Variants in TPD52L1 observed in about 807,000 individuals in gnomAD.
TPD52L1 encodes tumor protein D53.
In TPD52L1, 18 loss-of-function variants were observed where a neutral mutation model predicts 28.7. The observed-to-expected ratio is 0.63, with a 90% CI of 0.43 to 0.93. The LOEUF (loss-of-function observed/expected upper bound fraction) is 0.93. TPD52L1 is among the 40% of genes least tolerant of loss of function. The pLI, the probability that TPD52L1 is intolerant of heterozygous loss-of-function variation, is 0.00. For missense variants in TPD52L1, 203 were observed against 254.8 expected, an observed-to-expected ratio of 0.80 and a Z score of 1.39; for synonymous variants, 75 against 88.8, an observed-to-expected ratio of 0.84 and a Z score of 0.88.
intron 1 of TPD52L1, among the ~76,000 whole-genome samples, chr6:125,173,602 G>T: frequency 6.6e-6 from 1 of 152,060 alleles, no homozygotes; most frequent in East Asian, 1.9e-4. Flanking sequence ...TGCCCAGCTC[G>T]TTCTTAAGAA....
intron 1 of TPD52L1, among the ~76,000 whole-genome samples, chr6:125,215,899 T>C (rs1794833697): frequency 6.6e-6 from 1 of 152,172 alleles, no homozygotes; most frequent in Non-Finnish European, 1.5e-5. Flanking sequence ...TCTCACGTTA[T>C]GAAGATAGGG....
chr6:125,196,396 T>A (rs1793440950), intron 1 of TPD52L1, among the ~76,000 whole-genome samples: 1 of 152,230 alleles, frequency 6.6e-6, no homozygotes, highest in Non-Finnish European at 1.5e-5. Context: ...TGTAAAAGCT[T>A]AACTATAGTT....
At chr6:125,240,944 A>G (rs1796577957) in intron 3 of TPD52L1, among the ~76,000 whole-genome samples, 1 of 152,100 alleles carries the variant, frequency 6.6e-6, no homozygotes, top group African/African-American at 2.4e-5. Flanking sequence ...CCCATTTAGT[A>G]TGAAGCTGGC....
intron 1 of TPD52L1, among the ~76,000 whole-genome samples, chr6:125,176,781 A>G (rs1362560257): frequency 6.6e-6 from 1 of 152,160 alleles, no homozygotes; most frequent in African/African-American, 2.4e-5. Context: ...CACACCTGTA[A>G]TCCCAGCAAC....
At position 125,220,149 on chromosome 6, in the gene TPD52L1, C is replaced by T. The variant is rs754777622; in HGVS notation, c.91C>T (p.Leu31Phe). 1.7e-5 allele frequency: 27 copies of T among 1,613,798 alleles called. No individual in the cohort carries two copies. Among genetic ancestry groups the T allele is most frequent in the South Asian group, 8.8e-5 (8 of 91,070 alleles). The change falls in exon 2 of 7, where the codon CTC becomes TTC. Residue 31 changes from leucine (L) to phenylalanine (F), a missense_variant. Leu to Phe is a conservative substitution (Grantham distance 22). Transcript: ENST00000534000. The part of the protein sequence containing the change: ...AVASADFSSM[L>F]SEEEKEELKA... ...AGCCAGTGCTGACTTCTCTAGCATGCTCTCTGAGGAGGAAAAGGAAGAGTT... is the reference window on the plus strand; with the variant it reads ...AGCCAGTGCTGACTTCTCTAGCATGTTCTCTGAGGAGGAAAAGGAAGAGTT...
chr6:125,168,340 TC>T (rs1791042661), intron 1 of TPD52L1, among the ~76,000 whole-genome samples: 1 of 152,008 alleles, frequency 6.6e-6, no homozygotes, highest in Admixed American at 6.6e-5. Context: ...CTCAGATGAT[TC>T]CCTGAGACCC....
At chr6:125,172,886 T>A (rs1791589708) in intron 1 of TPD52L1, among the ~76,000 whole-genome samples, 1 of 151,840 alleles carries the variant, frequency 6.6e-6, no homozygotes, top group South Asian at 2.1e-4. Context: ...AATCAACAGG[T>A]TTTTCCTACT....
At chr6:125,231,078 C>G (rs1294057583) in intron 3 of TPD52L1, 1 of 152,200 alleles carries the variant, frequency 6.6e-6, no homozygotes, top group Non-Finnish European at 1.5e-5. Flanking sequence ...ATTAATGGCC[C>G]TGACAGTGTA....
intron 1 of TPD52L1, among the ~76,000 whole-genome samples, chr6:125,176,890 T>G (rs1482689725): frequency 1.3e-5 from 2 of 151,770 alleles, no homozygotes; most frequent in Admixed American, 6.6e-5. Flanking sequence ...ATAAAAAAAT[T>G]AGCTGGGTGT....
At chr6:125,208,223 A>T (rs942057400) in intron 1 of TPD52L1, among the ~76,000 whole-genome samples, 3 of 152,326 alleles carry the variant, frequency 2.0e-5, no homozygotes, top group East Asian at 3.9e-4. Flanking sequence ...AACTTCTCTC[A>T]AGGCCAAGAT....
At chr6:125,163,937 CA>C in intron 1 of TPD52L1, among the ~76,000 whole-genome samples, 1 of 147,954 alleles carries the variant, frequency 6.8e-6, no homozygotes, top group East Asian at 2.0e-4. Context: ...AAAAAGAAAA[CA>C]AAAGAAAAAA....
At chr6:125,215,909 G>A (rs1339816487) in intron 1 of TPD52L1, among the ~76,000 whole-genome samples, 1 of 152,182 alleles carries the variant, frequency 6.6e-6, no homozygotes, top group African/African-American at 2.4e-5. Flanking sequence ...TGAAGATAGG[G>A]AAGACTGAGA....
intron 6 of TPD52L1, 35 bp from the exon 7 acceptor site, chr6:125,262,799 A>G: frequency 6.3e-7 from 1 of 1,577,960 alleles, no homozygotes. Context: ...TGATAGTAAC[A>G]ACTAACTGCA....
chr6:125,217,890 A>G (rs1794986408), intron 1 of TPD52L1, among the ~76,000 whole-genome samples: 1 of 152,004 alleles, frequency 6.6e-6, no homozygotes, highest in Admixed American at 6.6e-5. Context: ...CTTATTTCCA[A>G]GTTTTATCCA....
intron 6 of TPD52L1, chr6:125,260,925 AAAG>A (rs1318776604): frequency 5.1e-5 from 1 of 19,650 alleles, no homozygotes; most frequent in African/African-American, 8.2e-4. Flanking sequence ...AAGAAAGAAG[AAAG>A]AAAGAAAGAA....
intron 1 of TPD52L1, among the ~76,000 whole-genome samples, chr6:125,184,434 A>C (rs1181307371): frequency 6.6e-6 from 1 of 152,162 alleles, no homozygotes; most frequent in African/African-American, 2.4e-5. Context: ...TCTCTCACAA[A>C]TCTCTTAGGA....
chr6:125,239,240 T>A (rs534773024), intron 3 of TPD52L1, among the ~76,000 whole-genome samples: 2 of 152,368 alleles, frequency 1.3e-5, no homozygotes, highest in South Asian at 4.1e-4. Context: ...GTGAGGCATT[T>A]TTTCACGTTT....
chr6:125,194,727 T>C (rs1793300681), intron 1 of TPD52L1, among the ~76,000 whole-genome samples: 1 of 152,204 alleles, frequency 6.6e-6, no homozygotes, highest in South Asian at 2.1e-4. Context: ...CAATATTACC[T>C]CTATGAAGAT....
chr6:125,202,221 T>G (rs967094044), intron 1 of TPD52L1, among the ~76,000 whole-genome samples: 3 of 152,186 alleles, frequency 2.0e-5, no homozygotes, highest in Non-Finnish European at 4.4e-5. Flanking sequence ...ATCCCTTTCT[T>G]TAAACATGCC....
Sources: gnomAD v4.1 joint callset for allele counts (sites outside exome capture counted in the v4.1 genomes callset) on GRCh38, gnomAD v4.1.1 for gene constraint, MANE v1.5 for transcripts, NCBI Gene and HGNC (gene_info 2026-07-23, HGNC 2026-07-21) for gene names.